Variants in PIP4K2A observed in about 807,000 individuals in gnomAD.
PIP4K2A encodes the protein phosphatidylinositol-5-phosphate 4-kinase type 2 alpha.
A neutral mutation model predicts 42.9 loss-of-function variants in PIP4K2A; 14 were observed. The observed-to-expected ratio is 0.33, with a 90% CI of 0.22 to 0.51. PIP4K2A has a LOEUF of 0.51. Ranked by LOEUF, PIP4K2A falls within the 20% of genes least tolerant of loss-of-function variation. The probability of loss-of-function intolerance (pLI) is 0.97; values close to 1 mark genes in which losing one functional copy is unlikely to be tolerated. For missense variants in PIP4K2A, 434 were observed against 519.8 expected, an observed-to-expected ratio of 0.83 and a Z score of 1.61; for synonymous variants, 192 against 192.2, an observed-to-expected ratio of 1.00 and a Z score of 0.01.
intron 6 of PIP4K2A, among the ~76,000 whole-genome samples, chr10:22,552,474 C>T (rs974670578): frequency 6.6e-6 from 1 of 152,066 alleles, no homozygotes; most frequent in South Asian, 2.1e-4. Context: ...TACGTGCACC[C>T]CCCATTCCCA....
chr10:22,700,111 C>T (rs575640594), intron 1 of PIP4K2A, among the ~76,000 whole-genome samples: 6 of 152,280 alleles, frequency 3.9e-5, no homozygotes, highest in Non-Finnish European at 5.9e-5. Context: ...AGGAAGAAAA[C>T]GGATACAAGA....
chr10:22,615,451 G>A (rs762199022), intron 1 of PIP4K2A, among the ~76,000 whole-genome samples: 5 of 152,060 alleles, frequency 3.3e-5, no homozygotes, highest in Admixed American at 6.6e-5. Context: ...TTGGGAACAC[G>A]CACACATATA....
intron 7 of PIP4K2A, among the ~76,000 whole-genome samples, chr10:22,545,471 C>T (rs1203522568): frequency 6.6e-6 from 1 of 152,252 alleles, no homozygotes; most frequent in Admixed American, 6.5e-5. Flanking sequence ...CCTCCCCTGG[C>T]ACCCCATCTG....
At chr10:22,622,732 AC>A (rs1368093730) in intron 1 of PIP4K2A, among the ~76,000 whole-genome samples, 4 of 152,192 alleles carry the variant, frequency 2.6e-5, no homozygotes, top group African/African-American at 9.6e-5. Flanking sequence ...GCAACAAACC[AC>A]CGGACATGGG....
rs755602016 is a variant in PIP4K2A at position 22,591,799 on chromosome 10, G to C, written c.340-18C>G. On this transcript the variant is annotated intron_variant, in intron 3 of 9. Transcript: ENST00000376573. ...AGGGAATTCTTCCCGGGTGGGGTAAGAGGGGAAGGAAGGCGGGGGAAGATA... is the reference window on the plus strand; with the variant it reads ...AGGGAATTCTTCCCGGGTGGGGTAACAGGGGAAGGAAGGCGGGGGAAGATA... 12 of 1,594,486 alleles carry C rather than the reference G, an allele frequency of 7.5e-6. No individual in the cohort carries two copies. The highest frequency in any genetic ancestry group is 1.0e-5 in the Non-Finnish European group (12 of 1,169,330).
intron 1 of PIP4K2A, among the ~76,000 whole-genome samples, chr10:22,621,588 A>G (rs562752132): frequency 6.6e-6 from 1 of 152,358 alleles, no homozygotes; most frequent in East Asian, 1.9e-4. Context: ...AAATCTGGCT[A>G]GCCATGGAGA....
intron 1 of PIP4K2A, among the ~76,000 whole-genome samples, chr10:22,689,772 G>A (rs568259099): frequency 1.3e-5 from 2 of 152,300 alleles, no homozygotes; most frequent in African/African-American, 4.8e-5. Context: ...CAAAGAAAGT[G>A]GAAACATATG....
At chr10:22,616,305 C>T (rs1778353) in intron 1 of PIP4K2A, among the ~76,000 whole-genome samples, 68,015 of 151,988 alleles carry the variant, frequency 0.45, 17,350 homozygotes, top group African/African-American at 0.7. Flanking sequence ...ACTAACCTTA[C>T]GGCTCATGCT....
At chr10:22,571,117 T>C (rs767817342) in intron 5 of PIP4K2A, among the ~76,000 whole-genome samples, 25 of 152,248 alleles carry the variant, frequency 1.6e-4, no homozygotes, top group Non-Finnish European at 1.2e-4. Context: ...AAGGAATGAT[T>C]TCTTAAGAAC....
At chr10:22,548,883 CAA>C (rs11308958) in intron 7 of PIP4K2A, among the ~76,000 whole-genome samples, 25 of 146,918 alleles carry the variant, frequency 1.7e-4, no homozygotes, top group East Asian at 2.0e-4. Context: ...CTAGTCTCTA[CAA>C]AAAAAAAAAA....
At chr10:22,652,493 C>T (rs1158199318) in intron 1 of PIP4K2A, among the ~76,000 whole-genome samples, 1 of 152,132 alleles carries the variant, frequency 6.6e-6, no homozygotes, top group Admixed American at 6.5e-5. Flanking sequence ...GAGACATCTC[C>T]CTCTGCAAAG....
chr10:22,689,283 T>C (rs1839816973), intron 1 of PIP4K2A, among the ~76,000 whole-genome samples: 1 of 152,050 alleles, frequency 6.6e-6, no homozygotes, highest in South Asian at 2.1e-4. Context: ...GCCTGTACAT[T>C]GAAAAATATT....
intron 3 of PIP4K2A, among the ~76,000 whole-genome samples, chr10:22,595,782 A>T (rs767757200): frequency 6.6e-6 from 1 of 152,206 alleles, no homozygotes; most frequent in Non-Finnish European, 1.5e-5. Context: ...TAGAACATTC[A>T]TCAGTTCTTG....
chr10:22,701,992 T>C (rs1833723692), intron 1 of PIP4K2A, among the ~76,000 whole-genome samples: 1 of 152,240 alleles, frequency 6.6e-6, no homozygotes, highest in Admixed American at 6.5e-5. Flanking sequence ...CCCCAGGGAC[T>C]GCAGCCCAAT....
At chr10:22,548,818 G>A (rs912656370) in intron 7 of PIP4K2A, among the ~76,000 whole-genome samples, 1 of 152,128 alleles carries the variant, frequency 6.6e-6, no homozygotes, top group Non-Finnish European at 1.5e-5. Context: ...GGCTGAGGTG[G>A]GAGGATTGCT....
chr10:22,544,384 C>A (rs950576776), intron 7 of PIP4K2A, among the ~76,000 whole-genome samples: 1 of 152,168 alleles, frequency 6.6e-6, no homozygotes. Flanking sequence ...GGCCTCTGGG[C>A]TGCTGGAGGA....
At chr10:22,679,284 C>CA (rs1839617385) in intron 1 of PIP4K2A, among the ~76,000 whole-genome samples, 1 of 152,028 alleles carries the variant, frequency 6.6e-6, no homozygotes, top group African/African-American at 2.4e-5. Context: ...CCAGAAGATA[C>CA]AAAAATGGCC....
chr10:22,652,273 C>A (rs763507202), intron 1 of PIP4K2A, among the ~76,000 whole-genome samples: 4 of 152,036 alleles, frequency 2.6e-5, no homozygotes, highest in Non-Finnish European at 4.4e-5. Context: ...CAGGTGCGCA[C>A]CACCATGCCT....
At chr10:22,628,610 G>A (rs1838492592) in intron 1 of PIP4K2A, among the ~76,000 whole-genome samples, 1 of 152,212 alleles carries the variant, frequency 6.6e-6, no homozygotes, top group Non-Finnish European at 1.5e-5. Flanking sequence ...AGGGAGACAT[G>A]AGATATCAGA....
Sources: gnomAD v4.1 joint callset for allele counts (sites outside exome capture counted in the v4.1 genomes callset) on GRCh38, gnomAD v4.1.1 for gene constraint, MANE v1.5 for transcripts, NCBI Gene and HGNC (gene_info 2026-07-23, HGNC 2026-07-21) for gene names.